The following ATP1A1 variants were observed in gnomAD, a reference collection of about 807,000 sequenced individuals.
ATP1A1 encodes sodium/potassium-transporting ATPase subunit alpha-1.
In ATP1A1, 14 loss-of-function variants were observed where a neutral mutation model predicts 114.8. The ratio of observed to expected loss-of-function variants is 0.12; its 90% CI spans 0.08 to 0.19. The LOEUF (loss-of-function observed/expected upper bound fraction) is 0.19, where lower values mean the gene tolerates loss of function less well. Among genes scored for constraint, ATP1A1 ranks in the 10% least tolerant of loss-of-function variants. The probability of loss-of-function intolerance (pLI) is 1.00; values close to 1 mark genes in which losing one functional copy is unlikely to be tolerated. For synonymous variants in ATP1A1, 471 were observed against 466.3 expected (o/e 1.01, Z -0.13); for missense variants, 524 against 1,290.7 (o/e 0.41, Z 9.10).
Position 116,399,377 on chromosome 1 carries a change from C to G in ATP1A1, c.2449-43C>G. ...ACAAAAGGTTCACAATATTAGCTTC[C>G]TTATTTTTAGTAACTAAATTCCTTC... On this transcript the variant is annotated intron_variant, in intron 17 of 22. Transcript: ENST00000295598. The surrounding 1 kb of genome is among the most constrained non-coding windows in gnomAD (Gnocchi z 5.0). 1 of 1,597,490 alleles carries G rather than the reference C, an allele frequency of 6.3e-7. No homozygotes were observed. Among genetic ancestry groups the G allele is most frequent in the Non-Finnish European group, 8.5e-7 (1 of 1,173,292 alleles).
At chr1:116,403,236 C>T (rs1653669013) in intron 21 of ATP1A1, among the ~76,000 whole-genome samples, 1 of 152,178 alleles carries the variant, frequency 6.6e-6, no homozygotes, top group African/African-American at 2.4e-5. Flanking sequence ...GAGTCCTGCC[C>T]AGGGACAGCC....
At chr1:116,375,736 T>G (rs921224477) in intron 1 of ATP1A1, among the ~76,000 whole-genome samples, 10 of 152,166 alleles carry the variant, frequency 6.6e-5, no homozygotes, top group African/African-American at 2.4e-4. Flanking sequence ...ATGTTGGGAT[T>G]TTTCCACATG....
rs1369807670 is a variant in ATP1A1 at position 116,388,390 on chromosome 1, A to T, written c.501+146A>T. On this transcript the variant is annotated intron_variant, in intron 5 of 22. Coordinates refer to ENST00000295598, the MANE Select transcript of ATP1A1 (RefSeq NM_000701.8). This position sits in a 1 kb window ranked among gnomAD's most constrained non-coding sequence, Gnocchi z 5.6. ...CTTCTACCCCACCCAAAACCAACCTATTTTCCTTCTATCCAAAAAGTGGTA... is the reference window on the plus strand; with the variant it reads ...CTTCTACCCCACCCAAAACCAACCTTTTTTCCTTCTATCCAAAAAGTGGTA... 1.0e-6 allele frequency: 1 copy of T among 955,904 alleles called. No individual in the cohort carries two copies. The highest frequency in any genetic ancestry group is 1.6e-6 in the Non-Finnish European group (1 of 643,834). 59.2% of individuals were successfully genotyped at this position (955,904 alleles called of 1,614,324 possible). A position where few individuals can be genotyped will look rare whatever the true frequency, so the allele number is the denominator to read the frequency against.
At chr1:116,374,026 C>T (rs1316557330) in intron 1 of ATP1A1, 7 of 1,406,880 alleles carry the variant, frequency 5.0e-6, no homozygotes, top group Admixed American at 3.0e-5. Flanking sequence ...CCGGGGCCTC[C>T]TCCCGGGCCT....
At chr1:116,396,780 A>G in intron 14 of ATP1A1, 46 bp downstream of exon 14, 1 of 1,504,670 alleles carries the variant, frequency 6.6e-7, no homozygotes, top group Non-Finnish European at 8.9e-7. Context: ...ACAAGCAAAT[A>G]GTGATGGTTT....
Position 116,395,167 on chromosome 1 carries a change from C to T in ATP1A1, c.1718C>T (p.Thr573Ile), listed in dbSNP as rs1652804659. The T allele has an allele frequency of 1.2e-6, 2 of 1,614,146 alleles. No individual in the cohort carries two copies. Among genetic ancestry groups the T allele is most frequent in the Non-Finnish European group, 1.7e-6 (2 of 1,180,024 alleles). The change falls in exon 13 of 23, where the codon ACT becomes ATT. Residue 573 changes from threonine (T) to isoleucine (I), a missense_variant. Thr to Ile is a moderately conservative substitution (Grantham distance 89, BLOSUM62 -1). This residue lies in a region of ATP1A1 where 143 missense variants were observed against 259.3 expected (regional missense o/e 0.55). Transcript: ENST00000295598. The surrounding 1 kb of genome is among the most constrained non-coding windows in gnomAD (Gnocchi z 6.4). ...TTTCCTGAAGGGTTCCAGTTTGACACTGACGATGTGAATTTCCCTATCGAT... is the reference window on the plus strand; with the variant it reads ...TTTCCTGAAGGGTTCCAGTTTGACATTGACGATGTGAATTTCCCTATCGAT... Reference protein sequence around the residue: ...EQFPEGFQFDTDDVNFPIDNL... With the variant: ...EQFPEGFQFDIDDVNFPIDNL...
In ATP1A1 at chr1:116,401,099, C is replaced by A; in HGVS notation, c.2719-31C>A. On this transcript the variant is annotated intron_variant, in intron 19 of 22. Transcript: ENST00000295598. The surrounding 1 kb of genome is among the most constrained non-coding windows in gnomAD (Gnocchi z 4.7). ...GCCACCAGCCATGCAGGTGAAGAGCCAGAGCTCATCTTCTGTCTTCTGCAT... is the reference window on the plus strand; with the variant it reads ...GCCACCAGCCATGCAGGTGAAGAGCAAGAGCTCATCTTCTGTCTTCTGCAT... The A allele has an allele frequency of 6.2e-7, 1 of 1,613,650 alleles. No homozygotes were observed. The highest frequency in any genetic ancestry group is 8.5e-7 in the Non-Finnish European group (1 of 1,179,572).
chr1:116,389,778 T>A lies in ATP1A1; in HGVS notation c.1023+71T>A. The A allele has an allele frequency of 6.4e-7, 1 of 1,574,648 alleles. No individual in the cohort carries two copies. The highest frequency in any genetic ancestry group is 8.7e-7 in the Non-Finnish European group (1 of 1,155,226). Reference sequence around the variant, plus strand: ...AATGTTACACTCTTCCGCTATCCTATTCTAAGGTATTGCCAACTTATGTTT... The same window carrying A: ...AATGTTACACTCTTCCGCTATCCTAATCTAAGGTATTGCCAACTTATGTTT... On this transcript the variant is annotated intron_variant, in intron 8 of 22. Transcript: ENST00000295598. This position sits in a 1 kb window ranked among gnomAD's most constrained non-coding sequence, Gnocchi z 6.9.
In ATP1A1 at chr1:116,373,534, G is replaced by A. The variant is rs770423900; in HGVS notation, c.12+11G>A. The A allele has an allele frequency of 1.2e-5, 17 of 1,449,928 alleles. No individual in the cohort carries two copies. In the East Asian group the frequency reaches 3.2e-4, roughly 28 times the overall value. 89.8% of individuals were successfully genotyped at this position (1,449,928 alleles called of 1,614,324 possible). A position where few individuals can be genotyped will look rare whatever the true frequency, so the allele number is the denominator to read the frequency against. On this transcript the variant is annotated intron_variant, in intron 1 of 22. Transcript: ENST00000295598. ...ACCATGGGGAAGGGGGTGAGTGTCC[G>A]GCGCGCCCGGGGAGGGGGCTCGGGG...
At chr1:116,403,996 T>C in intron 22 of ATP1A1, 21 bp downstream of exon 22, 1 of 1,609,670 alleles carries the variant, frequency 6.2e-7, no homozygotes, top group South Asian at 1.1e-5. Flanking sequence ...GCATTCTGAC[T>C]TTGGTTGGAG....
In ATP1A1 at chr1:116,373,457, TTCTC is replaced by T. The variant is rs746508079; in HGVS notation, c.-51_-48del. On this transcript the variant is annotated 5_prime_UTR_variant, in exon 1 of 23. Coordinates refer to ENST00000295598, the MANE Select transcript of ATP1A1 (RefSeq NM_000701.8). ...CTCGGCCGGGAGCTGCTCTGTGCTT[TTCTC>T]TCTGATTCTCCAGCGACAGGACCCG... is the stretch of plus-strand genomic sequence containing the variant. 5 of 1,510,102 alleles carry T rather than the reference TTCTC, an allele frequency of 3.3e-6. No individual in the cohort carries two copies. Among genetic ancestry groups the T allele is most frequent in the African/African-American group, 1.5e-5 (1 of 68,426 alleles). 93.5% of individuals were successfully genotyped at this position (1,510,102 alleles called of 1,614,324 possible). A position where few individuals can be genotyped will look rare whatever the true frequency, so the allele number is the denominator to read the frequency against.
chr1:116,382,268 A>AT (rs1242588499), intron 1 of ATP1A1: 15 of 152,336 alleles, frequency 9.8e-5, no homozygotes, highest in African/African-American at 3.6e-4. Context: ...GTGCTTTCTC[A>AT]TTAAAGGTAT....
intron 21 of ATP1A1, among the ~76,000 whole-genome samples, chr1:116,402,889 T>G (rs1242236270): frequency 3.3e-5 from 5 of 152,136 alleles, no homozygotes; most frequent in Admixed American, 2.0e-4. Context: ...CACAGTGTCT[T>G]TCTTCTCTGT....
In ATP1A1 at chr1:116,401,240, G is replaced by C. The variant is rs138167001; in HGVS notation, c.2829G>C (p.Ser943=). The change falls in exon 20 of 23, where the codon TCG becomes TCC. Residue 943 remains serine (S), a synonymous_variant. Transcript: ENST00000295598. This position sits in a 1 kb window ranked among gnomAD's most constrained non-coding sequence, Gnocchi z 4.7. ...DLVICKTRRN[S]VFQQGMKNKI... ...TCATCTGTAAGACCAGGAGGAATTC[G>C]GTCTTCCAGCAGGGGATGAAGTAAG... The C allele has an allele frequency of 3.1e-6, 5 of 1,614,170 alleles. No individual in the cohort carries two copies. Among genetic ancestry groups the C allele is most frequent in the Non-Finnish European group, 4.2e-6 (5 of 1,180,042 alleles).
chr1:116,378,020 G>A (rs1219229845), intron 1 of ATP1A1, among the ~76,000 whole-genome samples: 2 of 152,232 alleles, frequency 1.3e-5, no homozygotes, highest in East Asian at 3.8e-4. Context: ...GAGTGTATGA[G>A]AGGAAGTGTG....
chr1:116,384,210 A>G lies in ATP1A1; in HGVS notation c.123+86A>G. 1 of 1,056,744 alleles carries G rather than the reference A, an allele frequency of 9.5e-7. No homozygotes were observed. The highest frequency in any genetic ancestry group is 1.6e-5 in the African/African-American group (1 of 62,472). 65.5% of individuals were successfully genotyped at this position (1,056,744 alleles called of 1,614,324 possible). ...CCAGGCCTCACTGTATTCTTCAAAG[A>G]ACTGCTATATATTAAAAGAGATCAT... On this transcript the variant is annotated intron_variant, in intron 2 of 22. Coordinates refer to ENST00000295598, the MANE Select transcript of ATP1A1 (RefSeq NM_000701.8). The surrounding 1 kb of genome is among the most constrained non-coding windows in gnomAD (Gnocchi z 5.1).
Position 116,398,145 on chromosome 1 carries a change from T to C in ATP1A1, c.2124+107T>C. On this transcript the variant is annotated intron_variant, in intron 15 of 22. Coordinates refer to ENST00000295598, the MANE Select transcript of ATP1A1 (RefSeq NM_000701.8). The surrounding 1 kb of genome is among the most constrained non-coding windows in gnomAD (Gnocchi z 6.1). ...ATGGATGGATGCATACCTCGCTGTA[T>C]TAGACTCAGTATAAATAGGCCAGTA... The C allele has an allele frequency of 6.9e-7, 1 of 1,447,608 alleles. No homozygotes were observed. 89.7% of individuals were successfully genotyped at this position (1,447,608 alleles called of 1,614,324 possible).
Position 116,398,059 on chromosome 1 carries a change from G to C in ATP1A1, c.2124+21G>C, listed in dbSNP as rs376365122. 31 of 1,612,330 alleles carry C rather than the reference G, an allele frequency of 1.9e-5. No individual in the cohort carries two copies. In the East Asian group the frequency reaches 2.0e-4, roughly 10 times the overall value. On this transcript the variant is annotated intron_variant, in intron 15 of 22. Transcript: ENST00000295598. The surrounding 1 kb of genome is among the most constrained non-coding windows in gnomAD (Gnocchi z 6.1). ...GACAGGTCAGCCAGCACAAGGATCA[G>C]GCTGCTTTGGGCACTATTGGCTTTA... is the stretch of plus-strand genomic sequence containing the variant.
intron 10 of ATP1A1, chr1:116,392,635 G>A (rs1198483551): frequency 6.5e-6 from 3 of 463,100 alleles, no homozygotes; most frequent in African/African-American, 4.0e-5. Flanking sequence ...CTGCTGTGGG[G>A]TGGGGAAGGA....
Sources: gnomAD v4.1 joint callset for allele counts (sites outside exome capture counted in the v4.1 genomes callset) on GRCh38, gnomAD v4.1.1 for gene constraint, gnomAD v4.1.1 regional missense constraint, Gnocchi (gnomAD v3.1) non-coding constraint, MANE v1.5 for transcripts, NCBI Gene and HGNC (gene_info 2026-07-23, HGNC 2026-07-21) for gene names.